Variants in ABCA4 observed in about 807,000 individuals in gnomAD.
The protein encoded by ABCA4 is retinal-specific phospholipid-transporting ATPase ABCA4.
A neutral mutation model predicts 263.7 loss-of-function variants in ABCA4; 196 were observed. The ratio of observed to expected loss-of-function variants is 0.74; its 90% confidence interval spans 0.66 to 0.84. The LOEUF is 0.84. Among genes scored for constraint, ABCA4 ranks in the 40% least tolerant of loss-of-function variants. ABCA4 has a pLI of 0.00. For missense variants in ABCA4, 2,792 were observed against 2,855.1 expected (o/e 0.98, Z 0.50); for synonymous variants, 1,133 against 1,094.2 (o/e 1.04, Z -0.70).
At chr1:94,111,721 T>C in intron 2 of ABCA4, 142 bp from the exon 3 acceptor site, 1 of 1,034,910 alleles carries the variant, frequency 9.7e-7, no homozygotes, top group Non-Finnish European at 1.5e-6. Flanking sequence ...AGCAGGAGCA[T>C]CTCATGTGTG....
At chr1:94,055,376 C>T in intron 15 of ABCA4, 61 bp from the exon 16 acceptor site, 1 of 1,546,522 alleles carries the variant, frequency 6.5e-7, no homozygotes, top group South Asian at 1.1e-5. Flanking sequence ...TGCAACAGCA[C>T]CCAGATGCCC....
chr1:94,080,395 G>A (rs1661656951), intron 8 of ABCA4, 83 bp downstream of exon 8: 1 of 1,577,286 alleles, frequency 6.3e-7, no homozygotes, highest in Admixed American at 1.7e-5. Flanking sequence ...TGCAACCCCA[G>A]GTTTGGTTTC....
At chr1:94,106,027 G>A (rs1288299025) in intron 4 of ABCA4, among the ~76,000 whole-genome samples, 1 of 152,230 alleles carries the variant, frequency 6.6e-6, no homozygotes, top group African/African-American at 2.4e-5. Flanking sequence ...TCCTGACAGT[G>A]CCCTTCAGGC....
intron 4 of ABCA4, among the ~76,000 whole-genome samples, chr1:94,103,806 A>C (rs1206590319): frequency 6.6e-6 from 1 of 152,182 alleles, no homozygotes; most frequent in Non-Finnish European, 1.5e-5. Flanking sequence ...GGGCAGGAAA[A>C]GCTCCAGGTA....
chr1:94,037,383 G>A, intron 24 of ABCA4, 33 bp from the exon 25 acceptor site: 1 of 1,599,910 alleles, frequency 6.3e-7, no homozygotes, highest in Non-Finnish European at 8.6e-7. Flanking sequence ...TGCCAGCTCT[G>A]TTTTCCAGAA....
intron 36 of ABCA4, among the ~76,000 whole-genome samples, chr1:94,018,267 T>A (rs929461204): frequency 2.2e-4 from 33 of 152,322 alleles, no homozygotes; most frequent in African/African-American, 7.5e-4. Flanking sequence ...TTCTTATCTT[T>A]TAAAAAAAGT....
intron 17 of ABCA4, 27 bp downstream of exon 17, chr1:94,051,606 T>C (rs759430280): frequency 2.8e-5 from 45 of 1,589,960 alleles, no homozygotes; most frequent in Admixed American, 1.0e-4. Context: ...ATTTCAAACA[T>C]TAAGATTTGT....
intron 30 of ABCA4, among the ~76,000 whole-genome samples, chr1:94,028,590 A>C (rs546469893): frequency 7.2e-4 from 110 of 152,340 alleles, no homozygotes; most frequent in African/African-American, 2.6e-3. Context: ...CTAAGTGGCG[A>C]ATAATGGGAG....
chr1:94,069,408 C>T (rs768012468), intron 11 of ABCA4, among the ~76,000 whole-genome samples: 5 of 152,152 alleles, frequency 3.3e-5, no homozygotes, highest in South Asian at 2.1e-4. Context: ...CATATTTTGA[C>T]GAATACATCC....
At position 94,029,658 on chromosome 1, in the gene ABCA4, T is replaced by C. The variant is rs183428841; in HGVS notation, c.4353-27A>G. On this transcript the variant is annotated intron_variant, in intron 29 of 49. Coordinates refer to ENST00000370225, the MANE Select transcript of ABCA4 (RefSeq NM_000350.3). ...TCATGGAAGACAAGAAAATATTCCA[T>C]AATCAGCCTCAAAGTTGCTGACAAA... The C allele has an allele frequency of 4.4e-6, 7 of 1,603,314 alleles. No homozygotes were observed. In the African/African-American group the frequency reaches 6.7e-5, roughly 15 times the overall value.
In ABCA4 at chr1:94,019,483, C is replaced by T. The variant is rs77858233; in HGVS notation, c.5196+99G>A. 4.7e-4 allele frequency: 652 copies of T among 1,379,230 alleles called. 1 individual carries two copies. In the African/African-American group the frequency reaches 6.4e-3, roughly 13 times the overall value. The allele number at this position is 1,379,230 out of a possible 1,614,324, so 85.4% of individuals were successfully genotyped here. On this transcript the variant is annotated intron_variant, in intron 36 of 49. Coordinates refer to ENST00000370225, the MANE Select transcript of ABCA4 (RefSeq NM_000350.3). Reference sequence around the variant, plus strand: ...CAGTGCCTTTCAGCAGCCCTGGCACCGTGAGAACCCCTCCCCTCTTGGTCT... The same window carrying T: ...CAGTGCCTTTCAGCAGCCCTGGCACTGTGAGAACCCCTCCCCTCTTGGTCT...
chr1:94,119,953 C>T (rs960828250), intron 1 of ABCA4, among the ~76,000 whole-genome samples: 1 of 152,164 alleles, frequency 6.6e-6, no homozygotes, highest in Non-Finnish European at 1.5e-5. Flanking sequence ...TTGCAGCTCC[C>T]AGGGTCCTAA....
At chr1:94,059,454 TA>T (rs1661059747) in intron 14 of ABCA4, 1 of 152,204 alleles carries the variant, frequency 6.6e-6, no homozygotes, top group African/African-American at 2.4e-5. Context: ...GGAGCAACAT[TA>T]AAAAGACAAA....
At chr1:94,033,956 C>G (rs1308720788) in intron 26 of ABCA4, among the ~76,000 whole-genome samples, 1 of 152,132 alleles carries the variant, frequency 6.6e-6, no homozygotes, top group Non-Finnish European at 1.5e-5. Context: ...GAGCTTTGAT[C>G]TCTCCCTGAA....
At chr1:94,102,877 A>G (rs1662320023) in intron 5 of ABCA4, 138 bp downstream of exon 5, 1 of 1,250,258 alleles carries the variant, frequency 8.0e-7, no homozygotes, top group Non-Finnish European at 1.1e-6. Context: ...GTTTTTTTCT[A>G]AATACAAGGC....
At chr1:94,066,286 G>T (rs574781146) in intron 11 of ABCA4, among the ~76,000 whole-genome samples, 2 of 152,310 alleles carry the variant, frequency 1.3e-5, no homozygotes, top group African/African-American at 4.8e-5. Flanking sequence ...GAACTGAACT[G>T]CTAGAATACA....
At chr1:94,065,525 C>T (rs72725178) in intron 11 of ABCA4, among the ~76,000 whole-genome samples, 5,032 of 152,294 alleles carry the variant, frequency 0.033, 126 homozygotes, top group Non-Finnish European at 0.046. Flanking sequence ...GAGTATGCAC[C>T]GGAAGCCTCT....
chr1:94,102,116 C>T (rs2101141444), intron 5 of ABCA4, among the ~76,000 whole-genome samples: 1 of 152,288 alleles, frequency 6.6e-6, no homozygotes, highest in Middle Eastern at 3.4e-3. Flanking sequence ...CTTCTCTGAC[C>T]CATCTCAGGA....
At chr1:94,101,041 C>T (rs1662272756) in intron 5 of ABCA4, among the ~76,000 whole-genome samples, 1 of 152,232 alleles carries the variant, frequency 6.6e-6, no homozygotes, top group South Asian at 2.1e-4. Flanking sequence ...TGCTAATCAG[C>T]AGAGCATCAG....
Sources: allele counts gnomAD v4.1 joint callset (sites outside exome capture counted in the v4.1 genomes callset), GRCh38; gene constraint gnomAD v4.1.1; transcripts MANE v1.5; gene names NCBI Gene and HGNC (gene_info 2026-07-23, HGNC 2026-07-21).